Variants in TSHR observed in about 807,000 individuals in gnomAD.
TSHR encodes thyrotropin receptor.
A neutral mutation model predicts 64.1 loss-of-function variants in TSHR; 51 were observed. The ratio of observed to expected loss-of-function variants is 0.80; its 90% CI spans 0.64 to 1.01. The LOEUF (loss-of-function observed/expected upper bound fraction) is 1.01. Among genes scored for constraint, TSHR ranks in the 50% least tolerant of loss-of-function variants. TSHR has a pLI of 0.00. For synonymous variants in TSHR, 361 were observed against 361.9 expected (o/e 1.00, Z 0.03); for missense variants, 877 against 942.8 (o/e 0.93, Z 0.91).
At chr14:81,089,116 T>A (rs1311944277) in intron 4 of TSHR, among the ~76,000 whole-genome samples, 1 of 150,508 alleles carries the variant, frequency 6.6e-6, no homozygotes, top group African/African-American at 2.5e-5. Flanking sequence ...GCCTCCCGAG[T>A]AGCTGGGATT....
At chr14:81,017,738 C>G (rs1883493305) in intron 1 of TSHR, among the ~76,000 whole-genome samples, 1 of 151,468 alleles carries the variant, frequency 6.6e-6, no homozygotes, top group South Asian at 2.1e-4. Flanking sequence ...GCACCATACA[C>G]AAAAATAGCC....
chr14:80,963,023 C>T (rs1310152677), intron 1 of TSHR, among the ~76,000 whole-genome samples: 1 of 152,160 alleles, frequency 6.6e-6, no homozygotes, highest in African/African-American at 2.4e-5. Context: ...ATTAAAACCT[C>T]TAATTTCCTT....
chr14:81,060,556 C>A (rs942047063), intron 1 of TSHR, among the ~76,000 whole-genome samples: 1 of 152,104 alleles, frequency 6.6e-6, no homozygotes, highest in Non-Finnish European at 1.5e-5. Flanking sequence ...TTAATAGATG[C>A]TTTTACCAAC....
chr14:80,958,835 T>C (rs1220581534), intron 1 of TSHR, among the ~76,000 whole-genome samples: 1 of 152,192 alleles, frequency 6.6e-6, no homozygotes, highest in Non-Finnish European at 1.5e-5. Flanking sequence ...TTTGTATTAT[T>C]CAGAGTGTAC....
intron 7 of TSHR, chr14:81,105,048 A>G (rs1369169016): frequency 2.0e-6 from 2 of 985,174 alleles, no homozygotes; most frequent in Non-Finnish European, 2.4e-6. Context: ...CTTTTAAGCT[A>G]CTTTATGTTC....
intron 1 of TSHR, among the ~76,000 whole-genome samples, chr14:81,021,738 A>T (rs938887269): frequency 2.6e-5 from 4 of 152,216 alleles, no homozygotes; most frequent in Non-Finnish European, 5.9e-5. Context: ...TACAGTTCTT[A>T]CGGCTTATTG....
chr14:80,998,757 G>A lies in TSHR; in HGVS notation c.170+42907G>A, dbSNP rs568626987. Among the ~76,000 whole-genome samples the A allele has an allele frequency of 1.3e-4, 20 of 152,042 alleles. No individual in the cohort carries two copies. In the South Asian group the frequency reaches 4.2e-3, roughly 32 times the overall value. On this transcript the variant is annotated intron_variant, in intron 1 of 9. Transcript: ENST00000298171. Reference sequence around the variant, plus strand: ...CAATAGAGTAGAAGGAAGAATCAAAGGACATATTTTATAAGGATAATGAGT... The same window carrying A: ...CAATAGAGTAGAAGGAAGAATCAAAAGACATATTTTATAAGGATAATGAGT...
At chr14:81,001,630 A>G (rs899019906) in intron 1 of TSHR, 3 of 521,436 alleles carry the variant, frequency 5.8e-6, no homozygotes, top group African/African-American at 1.9e-5. Flanking sequence ...AATGGTACAC[A>G]CTGTTTCTGT....
At chr14:81,054,260 C>T (rs147175177) in intron 1 of TSHR, among the ~76,000 whole-genome samples, 3,037 of 152,260 alleles carry the variant, frequency 0.02, 76 homozygotes, top group African/African-American at 0.051. Flanking sequence ...ACTTGCTCCT[C>T]CTTGCCTTCC....
At position 81,048,660 on chromosome 14, in the gene TSHR, T is replaced by A. The variant is rs573903817; in HGVS notation, c.171-13488T>A. ...ATACAAGTTATTATAAAATAAAAAA[T>A]TTTTAAGTACATGATAATCATACAA... is the stretch of plus-strand genomic sequence containing the variant. On this transcript the variant is annotated intron_variant, in intron 1 of 9. Coordinates refer to ENST00000298171, the MANE Select transcript of TSHR (RefSeq NM_000369.5). Among the ~76,000 whole-genome samples the A allele has an allele frequency of 1.8e-4, 27 of 152,278 alleles. 1 individual carries two copies. The South Asian group carries it at 4.4e-3, about 25-fold the overall frequency.
chr14:81,123,550 G>T (rs1890893847), intron 8 of TSHR, among the ~76,000 whole-genome samples: 1 of 152,164 alleles, frequency 6.6e-6, no homozygotes, highest in Non-Finnish European at 1.5e-5. Context: ...GTCATTTGTT[G>T]TCAAAGCCAA....
intron 1 of TSHR, chr14:80,982,311 T>C (rs1345257488): frequency 9.5e-7 from 1 of 1,056,934 alleles, no homozygotes; most frequent in Admixed American, 2.3e-5. Context: ...CTGGTATTGA[T>C]GCCTGGGTCT....
At chr14:81,077,829 T>C (rs1451525171) in intron 3 of TSHR, among the ~76,000 whole-genome samples, 4 of 152,188 alleles carry the variant, frequency 2.6e-5, no homozygotes, top group South Asian at 2.1e-4. Context: ...TTCTATTCCA[T>C]TGGCTTTTTA....
intron 8 of TSHR, among the ~76,000 whole-genome samples, chr14:81,114,592 G>A (rs1566822050): frequency 6.6e-6 from 1 of 152,166 alleles, no homozygotes; most frequent in Admixed American, 6.5e-5. Flanking sequence ...AGGCGGCAGC[G>A]AGGCTGGGGG....
intron 8 of TSHR, among the ~76,000 whole-genome samples, chr14:81,130,081 C>T (rs892000193): frequency 2.0e-4 from 30 of 152,180 alleles, no homozygotes; most frequent in Middle Eastern, 3.2e-3. Flanking sequence ...TCTTGGAAAA[C>T]TGATGATTGA....
intron 1 of TSHR, chr14:81,013,601 G>A (rs1383919150): frequency 1.3e-5 from 2 of 152,004 alleles, no homozygotes; most frequent in African/African-American, 4.8e-5. Flanking sequence ...ACTCTTTATT[G>A]TCCACCATAC....
intron 1 of TSHR, chr14:80,982,462 T>G (rs778068310): frequency 1.6e-5 from 18 of 1,133,082 alleles, no homozygotes; most frequent in Non-Finnish European, 2.2e-5. Context: ...TGGGGCCAGT[T>G]GCAAACCTAG....
rs550579967 is a variant in TSHR at position 81,115,592 on chromosome 14, T to C, written c.692+7140T>C. On this transcript the variant is annotated intron_variant, in intron 8 of 9. Transcript: ENST00000298171. ...AAGTGATGTGGAGAATGGAACCAAG[T>C]TGGAAAACACTCTGCAGGATATTAT... 3.0e-3 allele frequency among the ~76,000 whole-genome samples: 449 copies of C among 151,602 alleles called. 1 individual carries two copies. Among genetic ancestry groups the C allele is most frequent in the South Asian group, 7.8e-3 (37 of 4,770 alleles).
chr14:81,141,443 C>A (rs1711700443), intron 9 of TSHR, among the ~76,000 whole-genome samples: 1 of 152,184 alleles, frequency 6.6e-6, no homozygotes. Flanking sequence ...GTCTGGTGAG[C>A]AAGGAAAAAA....
Sources: gnomAD v4.1 joint callset for allele counts (sites outside exome capture counted in the v4.1 genomes callset) on GRCh38, gnomAD v4.1.1 for gene constraint, MANE v1.5 for transcripts, NCBI Gene and HGNC (gene_info 2026-07-23, HGNC 2026-07-21) for gene names.